The following CSNK1G3 variants were observed in gnomAD, a reference collection of about 807,000 sequenced individuals.
CSNK1G3 encodes casein kinase I isoform gamma-3.
In CSNK1G3, 23 loss-of-function variants were observed where a neutral mutation model predicts 64.3. That is an observed-to-expected ratio of 0.36 (90% confidence interval 0.26 to 0.51). CSNK1G3 has a LOEUF of 0.51. Ranked by LOEUF, CSNK1G3 falls within the 20% of genes least tolerant of loss-of-function variation. The pLI, the probability that CSNK1G3 is intolerant of heterozygous loss-of-function variation, is 0.96. For missense variants in CSNK1G3, 357 were observed against 510.5 expected (o/e 0.70, Z 2.90); for synonymous variants, 158 against 162.2 (o/e 0.97, Z 0.20).
chr5:123,608,378 GATT>G (rs1795732004), intron 12 of CSNK1G3, among the ~76,000 whole-genome samples: 1 of 152,124 alleles, frequency 6.6e-6, no homozygotes, highest in Non-Finnish European at 1.5e-5. Context: ...TGGAAAAGCT[GATT>G]AGCTTCATTA....
intron 1 of CSNK1G3, among the ~76,000 whole-genome samples, chr5:123,527,092 C>G (rs1320033302): frequency 1.3e-5 from 2 of 152,172 alleles, no homozygotes; most frequent in East Asian, 3.9e-4. Context: ...GATTTGTTAG[C>G]TTGATTGCAC....
chr5:123,609,039 CAGAG>C (rs1167683247), intron 12 of CSNK1G3, among the ~76,000 whole-genome samples: 8 of 152,136 alleles, frequency 5.3e-5, no homozygotes, highest in Non-Finnish European at 1.2e-4. Context: ...TAGAAGGAGT[CAGAG>C]AGAAGAGGTT....
chr5:123,604,955 G>A, intron 11 of CSNK1G3, 125 bp downstream of exon 12: 1 of 648,032 alleles, frequency 1.5e-6, no homozygotes, highest in East Asian at 2.8e-5. Flanking sequence ...CAAAACAAGT[G>A]GTATGCTTAA....
chr5:123,612,278 T>C (rs1354215778), intron 12 of CSNK1G3, among the ~76,000 whole-genome samples: 2 of 152,214 alleles, frequency 1.3e-5, no homozygotes, highest in Admixed American at 6.5e-5. Context: ...AGTACCCTCA[T>C]AGTAGTTTCA....
At chr5:123,564,150 G>T (rs1447497352) in intron 4 of CSNK1G3, among the ~76,000 whole-genome samples, 2 of 152,024 alleles carry the variant, frequency 1.3e-5, no homozygotes, top group East Asian at 1.9e-4. Context: ...GTAGATGGAA[G>T]TATACAATTT....
chr5:123,573,304 A>G, intron 4 of CSNK1G3, 89 bp from the exon 5 acceptor site: 1 of 1,391,276 alleles, frequency 7.2e-7, no homozygotes, highest in African/African-American at 1.4e-5. Context: ...AGTTCTTGAA[A>G]CTATAAAATT....
chr5:123,599,355 A>G (rs962220666), intron 10 of CSNK1G3, among the ~76,000 whole-genome samples: 32 of 152,222 alleles, frequency 2.1e-4, no homozygotes, highest in African/African-American at 7.5e-4. Flanking sequence ...CAGAATTACA[A>G]ATGGTGCAGA....
At chr5:123,609,266 A>G (rs1264518857) in intron 12 of CSNK1G3, among the ~76,000 whole-genome samples, 2 of 152,182 alleles carry the variant, frequency 1.3e-5, no homozygotes, top group African/African-American at 4.8e-5. Flanking sequence ...GATCAGGTTG[A>G]TCCTTAGGAA....
chr5:123,616,124 T>C (rs1749408645), exon 13 of CSNK1G3: 1 of 152,460 alleles, frequency 6.6e-6, no homozygotes, highest in Non-Finnish European at 1.5e-5. Context: ...CTACAAAACA[T>C]TTGCTGTATA....
chr5:123,536,383 A>G (rs1308324977), intron 1 of CSNK1G3, among the ~76,000 whole-genome samples: 3 of 151,750 alleles, frequency 2.0e-5, no homozygotes, highest in Non-Finnish European at 2.9e-5. Flanking sequence ...AAAATTTGCC[A>G]AAAGAAAATT....
intron 4 of CSNK1G3, among the ~76,000 whole-genome samples, chr5:123,560,455 G>T (rs1381515450): frequency 6.6e-6 from 1 of 152,146 alleles, no homozygotes; most frequent in Non-Finnish European, 1.5e-5. Flanking sequence ...CTAGCCAAAA[G>T]GTAGAAGCAA....
chr5:123,545,248 G>A (rs970808439), intron 1 of CSNK1G3, among the ~76,000 whole-genome samples, 169 bp from the exon 2 acceptor site: 3 of 151,994 alleles, frequency 2.0e-5, no homozygotes, highest in African/African-American at 4.8e-5. Context: ...TGTTATTAAG[G>A]TATATAAATA....
At chr5:123,593,322 A>G (rs1268952292) in intron 10 of CSNK1G3, among the ~76,000 whole-genome samples, 1 of 152,034 alleles carries the variant, frequency 6.6e-6, no homozygotes, top group Non-Finnish European at 1.5e-5. Flanking sequence ...GAAAAGTTGT[A>G]TATTTAAAAA....
chr5:123,557,789 A>G (rs2150419287), intron 4 of CSNK1G3, among the ~76,000 whole-genome samples: 1 of 152,268 alleles, frequency 6.6e-6, no homozygotes, highest in East Asian at 1.9e-4. Flanking sequence ...AAAAAATTTA[A>G]TTTGCAAATA....
At chr5:123,585,171 C>G (rs370521918) in intron 6 of CSNK1G3, among the ~76,000 whole-genome samples, 2 of 151,792 alleles carry the variant, frequency 1.3e-5, no homozygotes, top group South Asian at 4.1e-4. Flanking sequence ...ACATAGATGG[C>G]CGATTGATTT....
chr5:123,532,680 T>C (rs1423943118), intron 1 of CSNK1G3, among the ~76,000 whole-genome samples: 2 of 151,856 alleles, frequency 1.3e-5, no homozygotes. Context: ...AAAAACTGAT[T>C]TGTAGAGGCA....
At chr5:123,536,980 T>C (rs192206904) in intron 1 of CSNK1G3, among the ~76,000 whole-genome samples, 59 of 152,272 alleles carry the variant, frequency 3.9e-4, no homozygotes, top group African/African-American at 1.4e-3. Context: ...TCCTATACAC[T>C]GTTGGTGGGA....
At chr5:123,528,640 T>G (rs1779442526) in intron 1 of CSNK1G3, among the ~76,000 whole-genome samples, 1 of 152,206 alleles carries the variant, frequency 6.6e-6, no homozygotes, top group Admixed American at 6.5e-5. Context: ...AAAGTTGTCT[T>G]TCTTTTTGGA....
rs770263931 is a variant in CSNK1G3, at chr5:123,568,340, GCTT to G, written c.290-5047_290-5045del. On this transcript the variant is annotated intron_variant, in intron 4 of 12. Coordinates refer to ENST00000345990, the Ensembl canonical transcript of CSNK1G3. ...GTTTGGCTCTGGGAAGTGCTTTGGA[GCTT>G]CTTCTCGGTCCAACCACTGGGCTGG... 3.3e-5 allele frequency among the ~76,000 whole-genome samples: 5 copies of G among 152,206 alleles called. No individual in the cohort carries two copies. The East Asian group carries it at 7.7e-4, about 23-fold the overall frequency.
Sources: gnomAD v4.1 joint callset for allele counts (sites outside exome capture counted in the v4.1 genomes callset) on GRCh38, gnomAD v4.1.1 for gene constraint, MANE v1.5 for transcripts, NCBI Gene and HGNC (gene_info 2026-07-23, HGNC 2026-07-21) for gene names.